Variants in ZNF618 observed in about 807,000 individuals in gnomAD.
ZNF618 encodes neural precursor cell expressed, developmentally down-regulated 10.
ZNF618 carries 34 observed loss-of-function variants against 103.0 expected under a neutral mutation model. That is an observed-to-expected ratio of 0.33 (90% CI 0.25 to 0.44). The LOEUF is 0.44. Among genes scored for constraint, ZNF618 ranks in the 20% least tolerant of loss-of-function variants. ZNF618 has a pLI of 1.00. For missense variants in ZNF618, 1,059 were observed against 1,295.4 expected, an observed-to-expected ratio of 0.82 and a Z score of 2.80; for synonymous variants, 551 against 542.2, an observed-to-expected ratio of 1.02 and a Z score of -0.23.
chr9:114,009,180 G>C (rs1473818292), intron 9 of ZNF618, among the ~76,000 whole-genome samples: 1 of 152,188 alleles, frequency 6.6e-6, no homozygotes, highest in African/African-American at 2.4e-5. Flanking sequence ...GATGGGGCTT[G>C]GGGGTGGGGA....
chr9:114,047,855 C>G, intron 13 of ZNF618, 38 bp from the exon 14 acceptor site: 1 of 1,549,798 alleles, frequency 6.5e-7, no homozygotes, highest in Non-Finnish European at 8.8e-7. Flanking sequence ...AGGCCTCTTA[C>G]CCTTCCAGGT....
intron 3 of ZNF618, among the ~76,000 whole-genome samples, chr9:113,994,020 T>C (rs1840326367): frequency 1.3e-5 from 2 of 152,164 alleles, no homozygotes; most frequent in Admixed American, 1.3e-4. Flanking sequence ...CTGGACAAAG[T>C]GCAGGAGCGG....
At chr9:114,007,110 G>A (rs748065586) in intron 6 of ZNF618, among the ~76,000 whole-genome samples, 1 of 152,222 alleles carries the variant, frequency 6.6e-6, no homozygotes, top group Non-Finnish European at 1.5e-5. Context: ...GCATCAAGAG[G>A]CAAGGAGCCC....
intron 1 of ZNF618, among the ~76,000 whole-genome samples, chr9:113,932,702 G>A (rs747960436): frequency 1.6e-4 from 24 of 152,250 alleles, no homozygotes; most frequent in Admixed American, 3.9e-4. Context: ...TGGCCTGAGC[G>A]CTGGGTGATT....
intron 1 of ZNF618, among the ~76,000 whole-genome samples, chr9:113,963,585 C>A (rs140835764): frequency 2.0e-5 from 3 of 152,134 alleles, no homozygotes; most frequent in Non-Finnish European, 4.4e-5. Flanking sequence ...CAGAGCCCAG[C>A]AGAGTACTTG....
At position 114,048,727 on chromosome 9, in the gene ZNF618, G is replaced by A. The variant is rs200517991; in HGVS notation, c.1425G>A (p.Arg475=). The A allele has an allele frequency of 1.5e-5, 24 of 1,613,898 alleles. No homozygotes were observed. The highest frequency in any genetic ancestry group is 1.9e-5 in the Non-Finnish European group (22 of 1,179,902). The part of the protein sequence containing the change: ...ERQNIAERLL[R]VMCADLGALS... ...AGAACATCGCAGAGCGGCTGTTGAG[G>A]GTCATGTGTGCCGACCTGGGTGCAC... Residue 475 remains arginine, a synonymous_variant, in exon 15 of 15, where the codon AGG becomes AGA. Coordinates refer to ENST00000374126, the MANE Select transcript of ZNF618 (RefSeq NM_001318042.2).
chr9:113,947,114 A>G (rs1373440811), intron 1 of ZNF618, among the ~76,000 whole-genome samples: 1 of 152,144 alleles, frequency 6.6e-6, no homozygotes, highest in African/African-American at 2.4e-5. Flanking sequence ...CCTGCTGCAG[A>G]GGAGGGGCTC....
At chr9:113,902,009 C>T (rs906197127) in intron 1 of ZNF618, among the ~76,000 whole-genome samples, 3 of 152,022 alleles carry the variant, frequency 2.0e-5, no homozygotes, top group Non-Finnish European at 4.4e-5. Flanking sequence ...CAATGCAGTG[C>T]AATACAGACT....
chr9:113,970,967 G>C (rs900718772), intron 2 of ZNF618, among the ~76,000 whole-genome samples: 14 of 145,042 alleles, frequency 9.7e-5, no homozygotes, highest in South Asian at 2.4e-4. Flanking sequence ...AGATGAGATG[G>C]AAGAAGATGT....
rs531686673 is a variant in ZNF618 at position 113,996,335 on chromosome 9, C to T, written c.338-1924C>T. Among the ~76,000 whole-genome samples the T allele has an allele frequency of 3.9e-5, 6 of 152,232 alleles. No homozygotes were observed. The South Asian group carries it at 1.2e-3, about 32-fold the overall frequency. On this transcript the variant is annotated intron_variant, in intron 3 of 14. Transcript: ENST00000374126. The stretch of plus-strand genomic sequence containing the variant: ...CCATTGTAAGGAACCAGCCTTCTGT[C>T]CCTACCCTTGCGTTTTTCTTCTCTC...
intron 2 of ZNF618, among the ~76,000 whole-genome samples, chr9:113,979,935 AG>A (rs1381800877): frequency 6.6e-6 from 1 of 152,146 alleles, no homozygotes; most frequent in Non-Finnish European, 1.5e-5. Flanking sequence ...GGCAGTGTAT[AG>A]GGGAAAGGGA....
chr9:113,983,859 C>T (rs1046391177), intron 2 of ZNF618, among the ~76,000 whole-genome samples: 1 of 152,128 alleles, frequency 6.6e-6, no homozygotes, highest in African/African-American at 2.4e-5. Flanking sequence ...AAATGGGTGA[C>T]CATCCATTCT....
At chr9:113,985,535 G>T (rs1839389096) in intron 2 of ZNF618, among the ~76,000 whole-genome samples, 1 of 152,170 alleles carries the variant, frequency 6.6e-6, no homozygotes, top group South Asian at 2.1e-4. Flanking sequence ...GGGGCCAGGG[G>T]GACTCTTGCT....
chr9:113,969,426 A>G (rs1009346412), intron 2 of ZNF618, among the ~76,000 whole-genome samples: 6 of 152,256 alleles, frequency 3.9e-5, no homozygotes, highest in Non-Finnish European at 7.3e-5. Context: ...GGAGTGAAGC[A>G]TAAGACTAGG....
At chr9:113,905,748 C>G (rs1830930752) in intron 1 of ZNF618, among the ~76,000 whole-genome samples, 1 of 152,190 alleles carries the variant, frequency 6.6e-6, no homozygotes, top group Non-Finnish European at 1.5e-5. Context: ...AGAATTGCAG[C>G]TCATTCTCCG....
chr9:113,932,822 G>C (rs564884526), intron 1 of ZNF618, among the ~76,000 whole-genome samples: 2 of 152,248 alleles, frequency 1.3e-5, no homozygotes, highest in East Asian at 3.9e-4. Context: ...CCTCTGAGGT[G>C]CCCCAGTGCT....
At chr9:113,902,820 T>A (rs1259273958) in intron 1 of ZNF618, among the ~76,000 whole-genome samples, 1 of 152,208 alleles carries the variant, frequency 6.6e-6, no homozygotes, top group Non-Finnish European at 1.5e-5. Context: ...TTCTGGCTAT[T>A]ATAACTGGAG....
chr9:113,964,804 C>T (rs938266533), intron 1 of ZNF618, among the ~76,000 whole-genome samples: 1 of 142,062 alleles, frequency 7.0e-6, no homozygotes, highest in African/African-American at 2.6e-5. Context: ...ATTTTGGAAC[C>T]GTACCAGTGC....
Position 113,998,331 on chromosome 9 carries a change from A to G in ZNF618, c.410A>G (p.Asp137Gly), listed in dbSNP as rs1226324842. 2 of 1,550,390 alleles carry G rather than the reference A, an allele frequency of 1.3e-6. No homozygotes were observed. The highest frequency in any genetic ancestry group is 1.7e-6 in the Non-Finnish European group (2 of 1,146,994). Residue 137 changes from aspartate (D) to glycine (G), a missense_variant, in exon 4 of 15, where the codon GAC (aspartate) becomes GGC (glycine). Transcript: ENST00000374126. ...CGGTATTCAGGGACCTGGATTTTTGACCAAGCATTGAGATATGCATCTGGT... is the reference window on the plus strand; with the variant it reads ...CGGTATTCAGGGACCTGGATTTTTGGCCAAGCATTGAGATATGCATCTGGT... ...RSRYSGTWIF[D>G]QALRYASGSY...
Sources: allele counts gnomAD v4.1 joint callset (sites outside exome capture counted in the v4.1 genomes callset), GRCh38; gene constraint gnomAD v4.1.1; transcripts MANE v1.5; gene names NCBI Gene and HGNC (gene_info 2026-07-23, HGNC 2026-07-21).